Variants in RBM38 observed in about 807,000 individuals in gnomAD.
RBM38 encodes the protein RNA binding motif protein 38.
RBM38 carries 11 observed loss-of-function variants against 23.5 expected under a neutral mutation model. The observed-to-expected ratio is 0.47, with a 90% confidence interval of 0.29 to 0.77. The LOEUF is 0.77. Among genes scored for constraint, RBM38 ranks in the 30% least tolerant of loss-of-function variants. The probability of loss-of-function intolerance (pLI) is 0.08; values close to 1 mark genes in which losing one functional copy is unlikely to be tolerated. For synonymous variants in RBM38, 165 were observed against 166.1 expected, an observed-to-expected ratio of 0.99 and a Z score of 0.05; for missense variants, 330 against 351.9, an observed-to-expected ratio of 0.94 and a Z score of 0.50.
intron 3 of RBM38, 148 bp downstream of exon 3, chr20:57,393,481 T>C (rs1222715316): frequency 2.2e-6 from 2 of 909,534 alleles, no homozygotes; most frequent in Non-Finnish European, 1.8e-6. Context: ...GAAGGCAGAT[T>C]GCACTTCTCC....
intron 3 of RBM38, among the ~76,000 whole-genome samples, chr20:57,405,990 G>GA (rs1029246600): frequency 3.9e-5 from 6 of 152,226 alleles, no homozygotes; most frequent in Admixed American, 3.9e-4. Flanking sequence ...TGCTTCCCTT[G>GA]AGGGGGGCCC....
At chr20:57,391,887 C>G in intron 1 of RBM38, 69 bp downstream of exon 1, 1 of 1,182,852 alleles carries the variant, frequency 8.5e-7, no homozygotes. Context: ...GCCGAGTCCA[C>G]TCCGGGGCAC....
chr20:57,403,193 G>T (rs1476296629), intron 3 of RBM38, among the ~76,000 whole-genome samples: 1 of 152,230 alleles, frequency 6.6e-6, no homozygotes, highest in East Asian at 1.9e-4. Context: ...CGCTGTTCTA[G>T]TGGCACCTCT....
chr20:57,391,770 C>T lies in RBM38; in HGVS notation c.189C>T (p.Ala63=). Reference sequence around the variant, plus strand: ...AGGGCTTCGGCGACATCGAGGAGGCCGTGGTCATCACCGACCGCCAGACGG... The same window carrying T: ...AGGGCTTCGGCGACATCGAGGAGGCTGTGGTCATCACCGACCGCCAGACGG... ...YFEGFGDIEE[A]VVITDRQTGK... The change falls in exon 1 of 4, where the codon GCC becomes GCT. Residue 63 remains alanine (A), a synonymous_variant. Coordinates refer to ENST00000356208, the MANE Select transcript of RBM38 (RefSeq NM_017495.6). The T allele has an allele frequency of 1.3e-6, 2 of 1,570,110 alleles. No individual in the cohort carries two copies. Among genetic ancestry groups the T allele is most frequent in the Middle Eastern group, 1.7e-4 (1 of 5,776 alleles).
At chr20:57,398,139 G>GGT (rs370348148) in intron 3 of RBM38, among the ~76,000 whole-genome samples, 5 of 152,302 alleles carry the variant, frequency 3.3e-5, no homozygotes, top group African/African-American at 1.2e-4. Context: ...GGATGGAGGA[G>GGT]GTAGGGTACA....
intron 3 of RBM38, among the ~76,000 whole-genome samples, chr20:57,399,169 C>T (rs1050940069): frequency 1.3e-5 from 2 of 152,300 alleles, no homozygotes; most frequent in African/African-American, 4.8e-5. Flanking sequence ...GCTCAGGGCC[C>T]GACAGGGTAG....
chr20:57,399,879 G>A (rs747966343), intron 3 of RBM38: 27 of 456,230 alleles, frequency 5.9e-5, no homozygotes, highest in African/African-American at 1.6e-4. Flanking sequence ...CCCCTGGAGA[G>A]CAGGGAAAGT....
chr20:57,394,308 G>C (rs1294913758), intron 3 of RBM38, among the ~76,000 whole-genome samples: 2 of 152,146 alleles, frequency 1.3e-5, no homozygotes, highest in African/African-American at 4.8e-5. Flanking sequence ...GTGGAACCCG[G>C]CTGAGCCTGG....
In RBM38 at chr20:57,391,656, C is replaced by G. The variant is rs890424819; in HGVS notation, c.75C>G (p.His25Gln). The G allele has an allele frequency of 6.0e-6, 9 of 1,496,108 alleles. No homozygotes were observed. The highest frequency in any genetic ancestry group is 7.2e-6 in the Non-Finnish European group (8 of 1,118,722). The allele number at this position is 1,496,108 out of a possible 1,614,324, so 92.7% of individuals were successfully genotyped here. ...CCCTGGCCGCCCCCGGCGCCATGCA[C>G]GGCTCGCAGAAGGACACCACGTTCA... ...PRPLAAPGAM[H>Q]GSQKDTTFTK... Residue 25 changes from histidine to glutamine, a missense_variant, in exon 1 of 4, where the codon CAC (histidine) becomes CAG (glutamine). His to Gln is a conservative substitution (Grantham distance 24). Coordinates refer to ENST00000356208, the MANE Select transcript of RBM38 (RefSeq NM_017495.6).
At chr20:57,399,966 G>A (rs752257075) in intron 3 of RBM38, 104 of 456,176 alleles carry the variant, frequency 2.3e-4, no homozygotes, top group Non-Finnish European at 4.0e-5. Flanking sequence ...CTCCTGGGCC[G>A]TGGTCAGTTC....
At chr20:57,395,096 C>T (rs6099603) in intron 3 of RBM38, among the ~76,000 whole-genome samples, 2 of 152,240 alleles carry the variant, frequency 1.3e-5, no homozygotes, top group African/African-American at 4.8e-5. Context: ...GGCATGTGGG[C>T]TGGGTGCTCT....
chr20:57,398,921 T>G (rs2067301277), intron 3 of RBM38, among the ~76,000 whole-genome samples: 2 of 152,244 alleles, frequency 1.3e-5, no homozygotes, highest in South Asian at 4.1e-4. Context: ...AGGACCTTCC[T>G]GCTGATCTCA....
intron 3 of RBM38, among the ~76,000 whole-genome samples, chr20:57,401,353 T>TGGGCGG (rs1243508645): frequency 1.3e-5 from 2 of 152,188 alleles, no homozygotes; most frequent in African/African-American, 4.8e-5. Flanking sequence ...TGTGCCTGTC[T>TGGGCGG]AGCTGTGACT....
intron 3 of RBM38, chr20:57,400,029 T>C (rs763948877): frequency 2.7e-4 from 123 of 455,028 alleles, no homozygotes; most frequent in Non-Finnish European, 4.7e-4. Context: ...CCCAGCACCA[T>C]CTGTACTTCT....
At chr20:57,406,258 G>A (rs550238650) in intron 3 of RBM38, among the ~76,000 whole-genome samples, 1 of 152,204 alleles carries the variant, frequency 6.6e-6, no homozygotes, top group African/African-American at 2.4e-5. Flanking sequence ...GCAGGCACAC[G>A]CCAGGAGAGC....
rs1057244345 is a variant in RBM38 at position 57,408,160 on chromosome 20, G to T, written c.*314G>T. 4.4e-6 allele frequency: 2 copies of T among 458,434 alleles called. No individual in the cohort carries two copies. Among genetic ancestry groups the T allele is most frequent in the Non-Finnish European group, 8.1e-6 (2 of 248,222 alleles). The allele number at this position is 458,434 out of a possible 1,614,324, so 28.4% of individuals were successfully genotyped here. ...CTTCTCCTGCCTCTCCACACTCCAGGTTCCCTCAGGCTTGTGTCCCCACTG... is the reference window on the plus strand; with the variant it reads ...CTTCTCCTGCCTCTCCACACTCCAGTTTCCCTCAGGCTTGTGTCCCCACTG... On this transcript the variant is annotated 3_prime_UTR_variant, in exon 4 of 4. Coordinates refer to ENST00000356208, the MANE Select transcript of RBM38 (RefSeq NM_017495.6).
chr20:57,391,975 G>T (rs1280539210), intron 1 of RBM38, among the ~76,000 whole-genome samples, 157 bp downstream of exon 1: 1 of 73,350 alleles, frequency 1.4e-5, no homozygotes, highest in Non-Finnish European at 3.3e-5. Context: ...TCCCGGGCGC[G>T]CTCCTGCCGG....
intron 3 of RBM38, among the ~76,000 whole-genome samples, chr20:57,405,173 C>T (rs2067368847): frequency 6.6e-6 from 1 of 152,232 alleles, no homozygotes; most frequent in South Asian, 2.1e-4. Flanking sequence ...TCACAGCCCT[C>T]TGCTGTCTTG....
intron 3 of RBM38, among the ~76,000 whole-genome samples, chr20:57,400,757 G>C (rs1488208566): frequency 6.6e-6 from 1 of 152,122 alleles, no homozygotes; most frequent in Non-Finnish European, 1.5e-5. Flanking sequence ...CCCTTCTCTG[G>C]GGTCTTGGTG....
Sources: allele counts gnomAD v4.1 joint callset (sites outside exome capture counted in the v4.1 genomes callset), GRCh38; gene constraint gnomAD v4.1.1; transcripts MANE v1.5; gene names NCBI Gene and HGNC (gene_info 2026-07-23, HGNC 2026-07-21).